TMTC1: variants seen among roughly 807,000 people sequenced by gnomAD.
TMTC1 encodes the protein transmembrane O-mannosyltransferase targeting cadherins 1.
A neutral mutation model predicts 104.8 loss-of-function variants in TMTC1; 73 were observed. That is an observed-to-expected ratio of 0.70 (90% CI 0.58 to 0.85). The LOEUF is 0.85. TMTC1 is among the 40% of genes least tolerant of loss of function. The pLI is 0.00. For synonymous variants in TMTC1, 434 were observed against 428.7 expected, an observed-to-expected ratio of 1.01 and a Z score of -0.15; for missense variants, 1,035 against 1,096.1, an observed-to-expected ratio of 0.94 and a Z score of 0.79.
At chr12:29,635,581 C>T (rs905990190) in intron 5 of TMTC1, among the ~76,000 whole-genome samples, 1 of 152,124 alleles carries the variant, frequency 6.6e-6, no homozygotes, top group Non-Finnish European at 1.5e-5. Context: ...ATTCAGGTGC[C>T]TAGAACTGAC....
At chr12:29,642,589 G>A (rs984203403) in intron 5 of TMTC1, among the ~76,000 whole-genome samples, 5 of 152,114 alleles carry the variant, frequency 3.3e-5, no homozygotes, top group South Asian at 2.1e-4. Context: ...TGCTAAAAGC[G>A]GCTCTAAATC....
intron 5 of TMTC1, among the ~76,000 whole-genome samples, chr12:29,727,352 T>C (rs1017091532): frequency 3.3e-5 from 5 of 151,168 alleles, no homozygotes; most frequent in Non-Finnish European, 7.4e-5. Context: ...AACCCTGAAA[T>C]GTATTTATTT....
intron 9 of TMTC1, among the ~76,000 whole-genome samples, chr12:29,562,500 A>G (rs1458940350): frequency 6.6e-6 from 1 of 152,196 alleles, no homozygotes; most frequent in Non-Finnish European, 1.5e-5. Flanking sequence ...TGAATTAAGT[A>G]TTTCTCTATT....
chr12:29,743,782 A>G (rs191821427), intron 5 of TMTC1, among the ~76,000 whole-genome samples: 18 of 152,308 alleles, frequency 1.2e-4, no homozygotes, highest in Admixed American at 1.1e-3. Context: ...ACAATCTATC[A>G]GTAGGTTACA....
chr12:29,576,057 T>C (rs60500145), intron 8 of TMTC1, among the ~76,000 whole-genome samples: 31,092 of 152,152 alleles, frequency 0.2, 3,443 homozygotes, highest in East Asian at 0.39. Context: ...TTCAAAGATA[T>C]CATTCAGGTC....
At chr12:29,705,224 C>T (rs563079652) in intron 5 of TMTC1, among the ~76,000 whole-genome samples, 76 of 152,274 alleles carry the variant, frequency 5.0e-4, no homozygotes, top group African/African-American at 1.6e-3. Context: ...ATTCAAATCC[C>T]GGGTGCACAG....
At chr12:29,603,172 T>G (rs542230796) in intron 7 of TMTC1, among the ~76,000 whole-genome samples, 1 of 152,260 alleles carries the variant, frequency 6.6e-6, no homozygotes. Flanking sequence ...AAGGGCTGCT[T>G]TCCCCTTAAC....
intron 5 of TMTC1, chr12:29,641,186 CTCTTGGGAGT>C (rs1938832169): frequency 6.6e-6 from 1 of 152,342 alleles, no homozygotes; most frequent in South Asian, 2.1e-4. Context: ...AGGGCATATA[CTCTTGGGAGT>C]TCTAGGGCCC....
intron 10 of TMTC1, 146 bp downstream of exon 10, chr12:29,556,711 T>G (rs1371040401): frequency 1.2e-6 from 1 of 839,304 alleles, no homozygotes; most frequent in African/African-American, 1.7e-5. Context: ...GAAATTGAGA[T>G]GCATGTTACA....
intron 3 of TMTC1, among the ~76,000 whole-genome samples, chr12:29,757,808 G>T (rs1943249885): frequency 6.6e-6 from 1 of 152,178 alleles, no homozygotes; most frequent in African/African-American, 2.4e-5. Flanking sequence ...GATGGCGGCA[G>T]GCAAAGAGAG....
chr12:29,506,710 C>A lies in TMTC1; in HGVS notation c.*136G>T. The A allele has an allele frequency of 8.5e-7, 1 of 1,177,058 alleles. No individual in the cohort carries two copies. Among genetic ancestry groups the A allele is most frequent in the Admixed American group, 2.0e-5 (1 of 50,162 alleles). 72.9% of individuals were successfully genotyped at this position (1,177,058 alleles called of 1,614,324 possible). The stretch of plus-strand genomic sequence containing the variant: ...CAGCACTGGGCTACCAGCAGATGTC[C>A]CAAAATGTGTCACCCTGAACTCGGA... On this transcript the variant is annotated 3_prime_UTR_variant, in exon 18 of 18. Coordinates refer to ENST00000539277, the MANE Select transcript of TMTC1 (RefSeq NM_001193451.2).
chr12:29,603,029 C>T (rs1321508213), intron 7 of TMTC1, among the ~76,000 whole-genome samples: 2 of 152,172 alleles, frequency 1.3e-5, no homozygotes, highest in Non-Finnish European at 2.9e-5. Flanking sequence ...CTATTATTGG[C>T]AAGCCTTCAC....
intron 1 of TMTC1, among the ~76,000 whole-genome samples, chr12:29,781,490 C>T (rs944110322): frequency 6.6e-6 from 1 of 152,132 alleles, no homozygotes; most frequent in Non-Finnish European, 1.5e-5. Context: ...CTACTCCCTC[C>T]ACCCCTCCCT....
In TMTC1 at chr12:29,503,559, T is replaced by C. The variant is rs1274374997; in HGVS notation, c.*3287A>G. The C allele has an allele frequency of 1.3e-5, 2 of 152,068 alleles. No individual in the cohort carries two copies. Among genetic ancestry groups the C allele is most frequent in the Non-Finnish European group, 2.9e-5 (2 of 68,024 alleles). 9.4% of individuals were successfully genotyped at this position (152,068 alleles called of 1,614,324 possible). A position where few individuals can be genotyped will look rare whatever the true frequency, so the allele number is the denominator to read the frequency against. On this transcript the variant is annotated 3_prime_UTR_variant, in exon 18 of 18. Transcript: ENST00000539277. ...AAAAAAAAGGAGAGGTTAGATGGAC[T>C]GGAAAAAGAGGGGTGATATATACAT... is the stretch of plus-strand genomic sequence containing the variant.
At chr12:29,537,788 G>A (rs975331558) in intron 10 of TMTC1, among the ~76,000 whole-genome samples, 3 of 152,136 alleles carry the variant, frequency 2.0e-5, no homozygotes, top group Non-Finnish European at 4.4e-5. Flanking sequence ...AGTTTCTGAG[G>A]ATGAAGTGAC....
At chr12:29,541,022 C>G (rs1329415549) in intron 10 of TMTC1, among the ~76,000 whole-genome samples, 3 of 151,866 alleles carry the variant, frequency 2.0e-5, no homozygotes, top group African/African-American at 7.3e-5. Flanking sequence ...AACAAACAAA[C>G]AAAAAGCCAT....
intron 5 of TMTC1, among the ~76,000 whole-genome samples, chr12:29,682,460 C>A (rs929385846): frequency 1.3e-5 from 2 of 151,838 alleles, no homozygotes; most frequent in African/African-American, 4.8e-5. Context: ...GTTGTAATAG[C>A]GCAAAACTGA....
intron 9 of TMTC1, chr12:29,568,770 C>A: frequency 5.4e-6 from 2 of 370,562 alleles, no homozygotes; most frequent in Non-Finnish European, 1.1e-5. Context: ...ATTTCTCTTT[C>A]GGGGCTTATT....
intron 7 of TMTC1, among the ~76,000 whole-genome samples, chr12:29,599,901 C>CATGTGTATATATATGTGTATATAT (rs1287932691): frequency 2.9e-5 from 4 of 138,914 alleles, no homozygotes; most frequent in Non-Finnish European, 6.1e-5. Context: ...TGTATATATA[C>CATGTGTATATATATGTGTATATAT]ATGTGTATAT....
Sources: gnomAD v4.1 joint callset for allele counts (sites outside exome capture counted in the v4.1 genomes callset) on GRCh38, gnomAD v4.1.1 for gene constraint, MANE v1.5 for transcripts, NCBI Gene and HGNC (gene_info 2026-07-23, HGNC 2026-07-21) for gene names.